Variants in ZBTB20 observed in about 807,000 individuals in gnomAD.
ZBTB20 encodes zinc finger and BTB domain containing 20.
In ZBTB20, 9 loss-of-function variants were observed where a neutral mutation model predicts 56.9. The observed-to-expected ratio is 0.16, with a 90% CI of 0.10 to 0.28. The LOEUF (loss-of-function observed/expected upper bound fraction) is 0.28. Among genes scored for constraint, ZBTB20 ranks in the 10% least tolerant of loss-of-function variants. ZBTB20 has a pLI of 1.00. For missense variants in ZBTB20, 655 were observed against 1,003.0 expected (o/e 0.65, Z 4.69); for synonymous variants, 417 against 420.7 (o/e 0.99, Z 0.11).
At chr3:114,617,398 C>G (rs558326691) in intron 6 of ZBTB20, among the ~76,000 whole-genome samples, 32 of 152,306 alleles carry the variant, frequency 2.1e-4, no homozygotes, top group African/African-American at 7.7e-4. Flanking sequence ...CCATTCCCAG[C>G]ACGGATTTAT....
intron 5 of ZBTB20, chr3:114,759,406 C>T (rs1377913695): frequency 6.6e-6 from 1 of 152,130 alleles, no homozygotes; most frequent in Non-Finnish European, 1.5e-5. Context: ...AGTTGAATTA[C>T]CACGTTATGT....
chr3:115,120,657 T>C (rs766142258), intron 1 of ZBTB20, among the ~76,000 whole-genome samples: 2 of 152,018 alleles, frequency 1.3e-5, no homozygotes, highest in Non-Finnish European at 2.9e-5. Context: ...AATGAGGAAT[T>C]GAAGAGAATT....
chr3:114,859,239 CCTTT>C (rs2075386412), intron 4 of ZBTB20, among the ~76,000 whole-genome samples: 1 of 150,282 alleles, frequency 6.7e-6, no homozygotes, highest in South Asian at 2.1e-4. Context: ...TTCTTTCCTT[CCTTT>C]CTTCTTTCTT....
intron 7 of ZBTB20, among the ~76,000 whole-genome samples, chr3:114,390,429 G>A (rs753398342): frequency 6.6e-6 from 1 of 152,116 alleles, no homozygotes; most frequent in African/African-American, 2.4e-5. Context: ...CATTCCCTCT[G>A]TCCTTCACTG....
At chr3:114,990,613 G>A (rs2078761515) in intron 2 of ZBTB20, among the ~76,000 whole-genome samples, 1 of 152,120 alleles carries the variant, frequency 6.6e-6, no homozygotes, top group Admixed American at 6.5e-5. Context: ...GATGATGCTG[G>A]CCTCATAAAA....
rs1470493286 is a variant in ZBTB20 at position 114,315,278 on chromosome 3, G to A, written c.*23727C>T. Reference sequence around the variant, plus strand: ...GTCATTCAGCCCAGGTTCCTCTTAGGAAATTAACCTTTCAATTTAAAGCTC... The same window carrying A: ...GTCATTCAGCCCAGGTTCCTCTTAGAAAATTAACCTTTCAATTTAAAGCTC... On this transcript the variant is annotated 3_prime_UTR_variant, in exon 12 of 12. Transcript: ENST00000675478. 1 of 152,148 alleles carries A rather than the reference G, an allele frequency of 6.6e-6. No individual in the cohort carries two copies. Among genetic ancestry groups the A allele is most frequent in the Admixed American group, 6.5e-5 (1 of 15,276 alleles). 9.4% of individuals were successfully genotyped at this position (152,148 alleles called of 1,614,324 possible).
intron 5 of ZBTB20, among the ~76,000 whole-genome samples, chr3:114,788,798 G>T (rs1039881231): frequency 1.3e-5 from 2 of 152,146 alleles, no homozygotes; most frequent in African/African-American, 4.8e-5. Context: ...AGGTTTAATG[G>T]ACTCACAGTT....
chr3:114,900,266 T>C (rs1360720522), intron 4 of ZBTB20, 38 bp downstream of exon 4: 1 of 152,138 alleles, frequency 6.6e-6, no homozygotes, highest in Non-Finnish European at 1.5e-5. Context: ...TTAGTTAATA[T>C]ATAGATTTAC....
intron 2 of ZBTB20, among the ~76,000 whole-genome samples, chr3:114,987,274 T>C (rs951607296): frequency 6.6e-6 from 1 of 152,138 alleles, no homozygotes; most frequent in Non-Finnish European, 1.5e-5. Context: ...AACTTTTAGG[T>C]AATTGTCTCT....
intron 2 of ZBTB20, among the ~76,000 whole-genome samples, chr3:114,975,737 A>G (rs1321116788): frequency 1.3e-5 from 2 of 152,194 alleles, no homozygotes; most frequent in African/African-American, 4.8e-5. Flanking sequence ...GAAAAGAAAA[A>G]ATGTTCTGAT....
At chr3:115,072,171 AG>A (rs1350366532) in intron 1 of ZBTB20, among the ~76,000 whole-genome samples, 3 of 152,148 alleles carry the variant, frequency 2.0e-5, no homozygotes, top group Admixed American at 2.0e-4. Context: ...TTGGTTATAC[AG>A]TTTTGAGGGT....
At chr3:115,018,615 C>T (rs1308425567) in intron 2 of ZBTB20, among the ~76,000 whole-genome samples, 1 of 151,154 alleles carries the variant, frequency 6.6e-6, no homozygotes, top group African/African-American at 2.4e-5. Flanking sequence ...AAATGATGAT[C>T]GCATTTGTGA....
intron 2 of ZBTB20, among the ~76,000 whole-genome samples, chr3:115,067,541 A>T (rs1388127135): frequency 6.6e-6 from 1 of 151,494 alleles, no homozygotes; most frequent in Non-Finnish European, 1.5e-5. Flanking sequence ...TTGAAAAATC[A>T]GTAAAAAAAA....
At position 114,326,851 on chromosome 3, in the gene ZBTB20, C is replaced by T. The variant is rs1435980407; in HGVS notation, c.*12154G>A. The T allele has an allele frequency of 6.6e-6, 1 of 152,138 alleles. No homozygotes were observed. Among genetic ancestry groups the T allele is most frequent in the Non-Finnish European group, 1.5e-5 (1 of 68,016 alleles). 9.4% of individuals were successfully genotyped at this position (152,138 alleles called of 1,614,324 possible). On this transcript the variant is annotated 3_prime_UTR_variant, in exon 12 of 12. Transcript: ENST00000675478. ...CCAGTGCAGAAAATAAACTTGTTTG[C>T]TACCAGCCTCAATCTCAGAACATTT...
intron 4 of ZBTB20, among the ~76,000 whole-genome samples, chr3:114,893,083 C>T (rs767147267): frequency 6.6e-6 from 1 of 152,078 alleles, no homozygotes; most frequent in Non-Finnish European, 1.5e-5. Flanking sequence ...ATCCGGACTT[C>T]GCTCCAAACC....
chr3:114,557,907 C>G (rs1359616375), intron 6 of ZBTB20, among the ~76,000 whole-genome samples: 1 of 151,938 alleles, frequency 6.6e-6, no homozygotes, highest in African/African-American at 2.4e-5. Context: ...TTACCATTTA[C>G]TAAAGTATTT....
intron 5 of ZBTB20, among the ~76,000 whole-genome samples, chr3:114,741,524 A>C (rs943030969): frequency 1.2e-4 from 18 of 152,124 alleles, no homozygotes; most frequent in Non-Finnish European, 5.9e-5. Context: ...AGGCTTATGA[A>C]ATCATTATTG....
intron 6 of ZBTB20, among the ~76,000 whole-genome samples, chr3:114,690,484 T>TCTACA (rs1302210351): frequency 6.6e-6 from 1 of 152,162 alleles, no homozygotes; most frequent in African/African-American, 2.4e-5. Context: ...ATACAGGTTC[T>TCTACA]CTACAGACAG....
intron 3 of ZBTB20, among the ~76,000 whole-genome samples, chr3:114,958,491 G>A (rs1179153481): frequency 6.6e-6 from 1 of 152,090 alleles, no homozygotes; most frequent in East Asian, 1.9e-4. Flanking sequence ...CTTATTCAGA[G>A]CAGAATACAG....
Sources: allele counts gnomAD v4.1 joint callset (sites outside exome capture counted in the v4.1 genomes callset), GRCh38; gene constraint gnomAD v4.1.1; transcripts MANE v1.5; gene names NCBI Gene and HGNC (gene_info 2026-07-23, HGNC 2026-07-21).